Variants in LTBP1 observed in about 807,000 individuals in gnomAD.
The protein encoded by LTBP1 is latent transforming growth factor beta binding protein 1, also known as latent-transforming growth factor beta-binding protein 1.
A neutral mutation model predicts 207.6 loss-of-function variants in LTBP1; 129 were observed. The observed-to-expected ratio is 0.62, with a 90% CI of 0.54 to 0.72. The LOEUF (loss-of-function observed/expected upper bound fraction) is 0.72. Among genes scored for constraint, LTBP1 ranks in the 30% least tolerant of loss-of-function variants. LTBP1 has a pLI of 0.00. For missense variants in LTBP1, 2,281 were observed against 2,217.2 expected (o/e 1.03, Z -0.58); for synonymous variants, 963 against 833.7 (o/e 1.16, Z -2.67).
intron 2 of LTBP1, among the ~76,000 whole-genome samples, chr2:32,981,682 A>G (rs1419359514): frequency 1.3e-5 from 2 of 152,148 alleles, no homozygotes; most frequent in African/African-American, 2.4e-5. Context: ...CATAATTCCC[A>G]TGTGTCATGA....
At chr2:32,983,765 C>T (rs542888972) in intron 2 of LTBP1, among the ~76,000 whole-genome samples, 2 of 152,276 alleles carry the variant, frequency 1.3e-5, no homozygotes, top group African/African-American at 4.8e-5. Flanking sequence ...CTCCTTTGCC[C>T]TCTGCCATGA....
At chr2:33,139,625 T>C (rs539636471) in intron 5 of LTBP1, among the ~76,000 whole-genome samples, 5 of 152,168 alleles carry the variant, frequency 3.3e-5, no homozygotes, top group African/African-American at 1.2e-4. Context: ...AGGGGCTGAG[T>C]AGATAAATGC....
chr2:33,335,436 G>C (rs2094543868), intron 24 of LTBP1, among the ~76,000 whole-genome samples: 1 of 152,050 alleles, frequency 6.6e-6, no homozygotes, highest in Non-Finnish European at 1.5e-5. Context: ...CTAGAACAAA[G>C]TTATTTTCCA....
intron 3 of LTBP1, among the ~76,000 whole-genome samples, chr2:33,050,008 A>G (rs934887092): frequency 3.3e-5 from 5 of 151,770 alleles, no homozygotes; most frequent in African/African-American, 1.2e-4. Context: ...CGCCCAGCCA[A>G]TTTTTACAAA....
intron 2 of LTBP1, among the ~76,000 whole-genome samples, chr2:32,990,847 T>G (rs1684299641): frequency 6.6e-6 from 1 of 152,246 alleles, no homozygotes; most frequent in Non-Finnish European, 1.5e-5. Context: ...TGTAAAAGTT[T>G]TCCATGAAGA....
At chr2:33,021,423 C>T (rs2075161564) in intron 3 of LTBP1, among the ~76,000 whole-genome samples, 1 of 151,984 alleles carries the variant, frequency 6.6e-6, no homozygotes, top group African/African-American at 2.4e-5. Context: ...GAAATTTTAC[C>T]ATAAGTACAA....
chr2:33,138,530 C>A (rs1295003878), intron 5 of LTBP1, among the ~76,000 whole-genome samples: 1 of 151,876 alleles, frequency 6.6e-6, no homozygotes, highest in East Asian at 1.9e-4. Flanking sequence ...GTTGGGTGGG[C>A]TGCAGGTTCA....
At chr2:32,951,304 A>G (rs140635096) in intron 2 of LTBP1, among the ~76,000 whole-genome samples, 3 of 152,368 alleles carry the variant, frequency 2.0e-5, no homozygotes, top group Non-Finnish European at 2.9e-5. Context: ...CAAATGCTAG[A>G]AACTTAATTC....
At chr2:33,189,913 G>C (rs995445034) in intron 7 of LTBP1, among the ~76,000 whole-genome samples, 5 of 152,080 alleles carry the variant, frequency 3.3e-5, no homozygotes, top group African/African-American at 1.2e-4. Context: ...TGTAATCCCA[G>C]CTACTTGGGA....
intron 18 of LTBP1, among the ~76,000 whole-genome samples, chr2:33,276,879 A>T (rs1178960197): frequency 6.6e-6 from 1 of 152,156 alleles, no homozygotes; most frequent in Admixed American, 6.5e-5. Flanking sequence ...AAAACAAAAC[A>T]CTATGGCACT....
chr2:33,130,519 G>T (rs1470029349), intron 4 of LTBP1, among the ~76,000 whole-genome samples: 1 of 152,164 alleles, frequency 6.6e-6, no homozygotes. Flanking sequence ...ATGTCTGTTT[G>T]TCAAGCACAG....
rs184057909 is a variant in LTBP1 at position 33,115,306 on chromosome 2, C to T, written c.1033+4555C>T. On this transcript the variant is annotated intron_variant, in intron 4 of 33. Transcript: ENST00000404816. ...AAGATGTCCAGAGTAGGCAAATCCA[C>T]AGACACGGAAAGAAGATTAGCGGTT... is the stretch of plus-strand genomic sequence containing the variant. 1.5e-4 allele frequency among the ~76,000 whole-genome samples: 23 copies of T among 152,172 alleles called. No homozygotes were observed. The East Asian group carries it at 4.2e-3, about 28-fold the overall frequency.
At chr2:33,357,321 C>G (rs1306706242) in intron 26 of LTBP1, among the ~76,000 whole-genome samples, 1 of 152,150 alleles carries the variant, frequency 6.6e-6, no homozygotes. Context: ...TATTTGTGGC[C>G]TTGTTGCTGA....
At chr2:33,295,534 A>G (rs1054960904) in intron 20 of LTBP1, among the ~76,000 whole-genome samples, 2 of 152,014 alleles carry the variant, frequency 1.3e-5, no homozygotes, top group African/African-American at 2.4e-5. Flanking sequence ...ATAGAGTCTC[A>G]ATGATGATAA....
In LTBP1 at chr2:32,948,904, A is replaced by G; in HGVS notation, c.524A>G (p.His175Arg). ...GVNVCGGRCCHGWSKAPGSQR... is the reference protein window; with the variant it reads ...GVNVCGGRCCRGWSKAPGSQR... ...AATGTCTGTGGAGGGCGGTGCTGTC[A>G]TGGCTGGAGTAAGGCCCCTGGCTCC... The change falls in exon 2 of 34, where the codon CAT becomes CGT. Residue 175 changes from histidine to arginine, a missense_variant. This residue lies in a region of LTBP1 where 555 missense variants were observed against 491.0 expected (regional missense o/e 1.13). Coordinates refer to ENST00000404816, the MANE Select transcript of LTBP1 (RefSeq NM_206943.4). The G allele has an allele frequency of 6.2e-7, 1 of 1,614,162 alleles. No homozygotes were observed. The highest frequency in any genetic ancestry group is 8.5e-7 in the Non-Finnish European group (1 of 1,180,032).
intron 7 of LTBP1, among the ~76,000 whole-genome samples, chr2:33,197,600 T>C (rs1332515368): frequency 6.6e-6 from 1 of 152,254 alleles, no homozygotes; most frequent in East Asian, 1.9e-4. Flanking sequence ...AAATTGGATC[T>C]CTTTAACAGT....
chr2:33,251,125 T>C (rs2092672159), intron 10 of LTBP1, among the ~76,000 whole-genome samples: 1 of 152,220 alleles, frequency 6.6e-6, no homozygotes, highest in South Asian at 2.1e-4. Context: ...GGCCCACCTC[T>C]GCTACTACTG....
intron 23 of LTBP1, among the ~76,000 whole-genome samples, chr2:33,312,344 T>C (rs1343467708): frequency 6.6e-6 from 1 of 152,184 alleles, no homozygotes; most frequent in Non-Finnish European, 1.5e-5. Flanking sequence ...GCATTTTCAG[T>C]TGGAAGCGTG....
intron 25 of LTBP1, among the ~76,000 whole-genome samples, chr2:33,343,851 CATT>C (rs1400251468): frequency 6.6e-6 from 1 of 152,130 alleles, no homozygotes; most frequent in African/African-American, 2.4e-5. Context: ...ACGTCAAACT[CATT>C]ATGAAACATA....
Sources: gnomAD v4.1 joint callset for allele counts (sites outside exome capture counted in the v4.1 genomes callset) on GRCh38, gnomAD v4.1.1 for gene constraint, gnomAD v4.1.1 regional missense constraint, MANE v1.5 for transcripts, NCBI Gene and HGNC (gene_info 2026-07-23, HGNC 2026-07-21) for gene names.